TENM4: variants seen among roughly 807,000 people sequenced by gnomAD.
TENM4 encodes the protein teneurin-4.
Under a neutral mutation model 243.3 loss-of-function variants are expected in TENM4, and 82 were observed. The observed-to-expected ratio is 0.34, with a 90% confidence interval of 0.28 to 0.40. The LOEUF (loss-of-function observed/expected upper bound fraction) is 0.40. Among genes scored for constraint, TENM4 ranks in the 10% least tolerant of loss-of-function variants. The pLI is 1.00. For synonymous variants in TENM4, 1,412 were observed against 1,456.3 expected (o/e 0.97, Z 0.69); for missense variants, 3,138 against 3,673.3 (o/e 0.85, Z 3.77).
chr11:79,199,631 T>C (rs536978187), intron 3 of TENM4, among the ~76,000 whole-genome samples: 1 of 152,334 alleles, frequency 6.6e-6, no homozygotes, highest in Admixed American at 6.5e-5. Flanking sequence ...ATTACAGATA[T>C]GCAGTCCTGG....
Position 78,676,361 on chromosome 11 carries a change from C to A in TENM4, c.5287G>T (p.Gly1763Trp). ...AGCAGCCGCAAGGAGCCATCGGCCC[C>A]GATGTAGTAGCTGTTCCGGACTTGG... The part of the protein sequence containing the change: ...QDQVRNSYYI[G>W]ADGSLRLLLA... Residue 1763 changes from glycine to tryptophan, a missense_variant, in exon 30 of 34, where the codon GGG becomes TGG. Transcript: ENST00000278550. The A allele has an allele frequency of 1.9e-6, 3 of 1,604,870 alleles. No individual in the cohort carries two copies. Among genetic ancestry groups the A allele is most frequent in the Non-Finnish European group, 2.6e-6 (3 of 1,172,644 alleles).
intron 1 of TENM4, among the ~76,000 whole-genome samples, chr11:79,435,475 C>A (rs1212218855): frequency 6.6e-6 from 1 of 152,168 alleles, no homozygotes; most frequent in Non-Finnish European, 1.5e-5. Context: ...TGTAAGAAGG[C>A]AGGTAGAAAT....
At position 79,261,957 on chromosome 11, in the gene TENM4, G is replaced by A. The variant is rs187526816; in HGVS notation, c.-265+35531C>T. 9.7e-4 allele frequency among the ~76,000 whole-genome samples: 148 copies of A among 152,324 alleles called. 2 individuals carry two copies. The highest frequency in any genetic ancestry group is 3.4e-3 in the African/African-American group (143 of 41,572). On this transcript the variant is annotated intron_variant, in intron 2 of 33. Coordinates refer to ENST00000278550, the MANE Select transcript of TENM4 (RefSeq NM_001098816.3). ...GGGGATGCCAAAGGGGCCTGCGGAG[G>A]AACATGAGATCACAGCCCTGTAAGG...
At chr11:79,435,261 C>T (rs1859248292) in intron 1 of TENM4, among the ~76,000 whole-genome samples, 1 of 152,064 alleles carries the variant, frequency 6.6e-6, no homozygotes, top group African/African-American at 2.4e-5. Flanking sequence ...AAATATATAA[C>T]CCCGGAAGCA....
intron 12 of TENM4, among the ~76,000 whole-genome samples, chr11:78,824,281 G>T (rs1857801115): frequency 6.6e-6 from 1 of 152,178 alleles, no homozygotes; most frequent in Non-Finnish European, 1.5e-5. Flanking sequence ...ACCACTGGAA[G>T]CTTAGAGGCA....
intron 6 of TENM4, among the ~76,000 whole-genome samples, chr11:79,036,231 A>G (rs1469977154): frequency 6.6e-6 from 1 of 152,242 alleles, no homozygotes; most frequent in East Asian, 1.9e-4. Context: ...GCAAGGCTCC[A>G]GGACACTCGT....
chr11:79,217,382 G>C (rs780010629), intron 2 of TENM4, among the ~76,000 whole-genome samples: 2 of 152,068 alleles, frequency 1.3e-5, no homozygotes, highest in Admixed American at 6.5e-5. Flanking sequence ...AAAGAATAAG[G>C]CATGAAGGAT....
At chr11:78,969,743 C>T (rs1172198044) in intron 6 of TENM4, among the ~76,000 whole-genome samples, 1 of 152,184 alleles carries the variant, frequency 6.6e-6, no homozygotes, top group Non-Finnish European at 1.5e-5. Flanking sequence ...GCAGGGAAGG[C>T]ACTTTTTTCC....
chr11:79,199,393 G>C (rs949986300), intron 3 of TENM4, among the ~76,000 whole-genome samples: 1 of 152,178 alleles, frequency 6.6e-6, no homozygotes, highest in Non-Finnish European at 1.5e-5. Flanking sequence ...TCATCTGCAA[G>C]ATAAGAATAA....
chr11:79,376,098 A>C (rs1177962632), intron 1 of TENM4, among the ~76,000 whole-genome samples: 5 of 152,248 alleles, frequency 3.3e-5, no homozygotes, highest in African/African-American at 1.2e-4. Context: ...TTCAGACTTC[A>C]CTGCTGGCCA....
intron 19 of TENM4, among the ~76,000 whole-genome samples, chr11:78,743,620 A>C (rs1855980852): frequency 6.6e-6 from 1 of 152,158 alleles, no homozygotes; most frequent in African/African-American, 2.4e-5. Context: ...ACTCTCCCTC[A>C]AGGCTTGGGT....
chr11:78,746,225 C>T (rs1199504455), intron 19 of TENM4, among the ~76,000 whole-genome samples: 1 of 152,210 alleles, frequency 6.6e-6, no homozygotes, highest in African/African-American at 2.4e-5. Flanking sequence ...TGGGGCATCC[C>T]TTCCATCACT....
intron 3 of TENM4, among the ~76,000 whole-genome samples, chr11:79,212,910 G>C (rs557727356): frequency 9.2e-5 from 14 of 152,314 alleles, no homozygotes; most frequent in South Asian, 4.1e-4. Context: ...TCACAGAGGA[G>C]GAAAGGGGCC....
At chr11:79,263,607 T>G (rs1336282507) in intron 2 of TENM4, among the ~76,000 whole-genome samples, 3 of 152,152 alleles carry the variant, frequency 2.0e-5, no homozygotes, top group Admixed American at 6.5e-5. Flanking sequence ...CTACAGAAAA[T>G]GTCTGCTGAG....
chr11:78,741,221 G>T (rs534199630), intron 19 of TENM4, among the ~76,000 whole-genome samples: 1 of 152,234 alleles, frequency 6.6e-6, no homozygotes, highest in East Asian at 1.9e-4. Context: ...AGATGTGAGT[G>T]CTGGGCTTCC....
At chr11:78,856,317 C>T in intron 10 of TENM4, 139 bp from the exon 11 acceptor site, 1 of 744,314 alleles carries the variant, frequency 1.3e-6, no homozygotes. Context: ...GCTTCCTCCC[C>T]ACCCTGGCCC....
At chr11:79,304,213 C>A (rs369525116) in intron 1 of TENM4, among the ~76,000 whole-genome samples, 24 of 152,192 alleles carry the variant, frequency 1.6e-4, no homozygotes, top group African/African-American at 5.3e-4. Context: ...AGAGAAGGTG[C>A]AAGCTAATGT....
chr11:79,322,389 C>T (rs1856905638), intron 1 of TENM4, among the ~76,000 whole-genome samples: 1 of 152,230 alleles, frequency 6.6e-6, no homozygotes, highest in African/African-American at 2.4e-5. Flanking sequence ...TGCATTTTCA[C>T]TGTGCAATGA....
chr11:78,689,703 G>A (rs553009084), intron 28 of TENM4, among the ~76,000 whole-genome samples: 1 of 152,242 alleles, frequency 6.6e-6, no homozygotes, highest in East Asian at 1.9e-4. Context: ...GGAATTCTCT[G>A]CCCAAGGTCA....
Sources: allele counts gnomAD v4.1 joint callset (sites outside exome capture counted in the v4.1 genomes callset), GRCh38; gene constraint gnomAD v4.1.1; transcripts MANE v1.5; gene names NCBI Gene and HGNC (gene_info 2026-07-23, HGNC 2026-07-21).